The following AGO2 variants were observed in gnomAD, a reference collection of about 807,000 sequenced individuals.
The protein encoded by AGO2 is argonaute RISC catalytic component 2.
In AGO2, 5 loss-of-function variants were observed where a neutral mutation model predicts 102.3. The ratio of observed to expected loss-of-function variants is 0.05; its 90% CI spans 0.03 to 0.10. The LOEUF (loss-of-function observed/expected upper bound fraction) is 0.10. AGO2 is among the 10% of genes least tolerant of loss of function. The probability of loss-of-function intolerance (pLI) is 1.00; values close to 1 mark genes in which losing one functional copy is unlikely to be tolerated. For synonymous variants in AGO2, 449 were observed against 473.1 expected (o/e 0.95, Z 0.66); for missense variants, 541 against 1,183.7 (o/e 0.46, Z 7.97).
intron 1 of AGO2, among the ~76,000 whole-genome samples, chr8:140,595,903 T>TATTATATAATATATATTATGTATATAA (rs1564107032): frequency 4.9e-4 from 59 of 120,648 alleles, no homozygotes; most frequent in Non-Finnish European, 7.8e-4. Flanking sequence ...ATATATTATG[T>TATTATATAATATATATTATGTATATAA]ATTATATAAT....
chr8:140,568,141 G>A (rs796570104), intron 3 of AGO2, among the ~76,000 whole-genome samples: 13 of 150,846 alleles, frequency 8.6e-5, no homozygotes, highest in African/African-American at 2.4e-4. Flanking sequence ...AAAATTAGCC[G>A]GGCATGGTGG....
intron 2 of AGO2, among the ~76,000 whole-genome samples, chr8:140,579,834 G>A (rs2073527521): frequency 6.6e-6 from 1 of 152,238 alleles, no homozygotes; most frequent in South Asian, 2.1e-4. Flanking sequence ...CCCGTGAGTG[G>A]CTCATGCCCA....
In AGO2 at chr8:140,539,885, G is replaced by C. The variant is rs772223800; in HGVS notation, c.2035-431C>G. ...GGGCGGATCACAAGATCAAGAGATC[G>C]AGATCATCCTGGCCAACATGGTGAA... On this transcript the variant is annotated intron_variant, in intron 15 of 18. Transcript: ENST00000220592. The surrounding 1 kb of genome is among the most constrained non-coding windows in gnomAD (Gnocchi z 4.7). 6.6e-6 allele frequency among the ~76,000 whole-genome samples: 1 copy of C among 152,166 alleles called. No homozygotes were observed. The highest frequency in any genetic ancestry group is 1.5e-5 in the Non-Finnish European group (1 of 68,026).
At chr8:140,561,666 T>C (rs749029373) in intron 4 of AGO2, among the ~76,000 whole-genome samples, 62 of 152,338 alleles carry the variant, frequency 4.1e-4, no homozygotes, top group Admixed American at 2.5e-3. Context: ...CCATGGTCCC[T>C]TCTAAAAATC....
chr8:140,597,466 GCCCCCCCACCCCCC>G (rs1032061545), intron 1 of AGO2, among the ~76,000 whole-genome samples: 11 of 48,424 alleles, frequency 2.3e-4, no homozygotes, highest in South Asian at 7.5e-4. Flanking sequence ...GGGCTGGGTG[GCCCCCCCACCCCCC>G]CCCCCCCGCC....
rs1320060678 is a variant in AGO2 at position 140,540,308 on chromosome 8, C to T, written c.2035-854G>A. The stretch of plus-strand genomic sequence containing the variant: ...CCTCCTGATCAAGGCCGGGGAGTTC[C>T]TAAGCTCCTGGGGCAGCCACGGAGG... On this transcript the variant is annotated intron_variant, in intron 15 of 18. Coordinates refer to ENST00000220592, the MANE Select transcript of AGO2 (RefSeq NM_012154.5). This position sits in a 1 kb window ranked among gnomAD's most constrained non-coding sequence, Gnocchi z 5.0. 1.3e-5 allele frequency among the ~76,000 whole-genome samples: 2 copies of T among 152,180 alleles called. No homozygotes were observed. The highest frequency in any genetic ancestry group is 3.9e-4 in the East Asian group (2 of 5,176).
chr8:140,571,050 A>G (rs1244296657), intron 3 of AGO2, among the ~76,000 whole-genome samples: 1 of 152,248 alleles, frequency 6.6e-6, no homozygotes. Context: ...ACTACATTTC[A>G]GCTCCACAGC....
Position 140,589,975 on chromosome 8 carries a change from G to A in AGO2, c.23-4664C>T, listed in dbSNP as rs78490252. Among the ~76,000 whole-genome samples, 6,823 of 152,360 alleles carry A rather than the reference G, an allele frequency of 0.045. 226 individuals are homozygous for A. The highest frequency in any genetic ancestry group is 0.07 in the Non-Finnish European group (4,740 of 68,036). ...GTTGACGCTAAACACAGTCATGGCA[G>A]CTTTTTTGGTGAAATGGACAGAGAC... On this transcript the variant is annotated intron_variant, in intron 1 of 18. Transcript: ENST00000220592. This position sits in a 1 kb window ranked among gnomAD's most constrained non-coding sequence, Gnocchi z 4.2.
intron 3 of AGO2, among the ~76,000 whole-genome samples, chr8:140,571,346 G>A (rs547067134): frequency 6.6e-6 from 1 of 152,220 alleles, no homozygotes; most frequent in Non-Finnish European, 1.5e-5. Flanking sequence ...GCTGAAAGGA[G>A]CTTATTCATT....
rs1166444721 is a variant in AGO2 at position 140,528,971 on chromosome 8, A to C, written c.*3073T>G. Reference sequence around the variant, plus strand: ...ACATCAATGTTTTTAAAAAGTGAACATGTAAAAACACACCAGGAAGAGTCC... The same window carrying C: ...ACATCAATGTTTTTAAAAAGTGAACCTGTAAAAACACACCAGGAAGAGTCC... On this transcript the variant is annotated 3_prime_UTR_variant, in exon 19 of 19. Coordinates refer to ENST00000220592, the MANE Select transcript of AGO2 (RefSeq NM_012154.5). This position sits in a 1 kb window ranked among gnomAD's most constrained non-coding sequence, Gnocchi z 4.5. 4.6e-5 allele frequency: 7 copies of C among 152,230 alleles called. No individual in the cohort carries two copies. Among genetic ancestry groups the C allele is most frequent in the African/African-American group, 1.4e-4 (6 of 41,458 alleles). The allele number at this position is 152,230 out of a possible 1,614,324, so 9.4% of individuals were successfully genotyped here.
intron 1 of AGO2, among the ~76,000 whole-genome samples, chr8:140,611,142 C>T (rs1217757610): frequency 6.6e-6 from 1 of 152,156 alleles, no homozygotes; most frequent in African/African-American, 2.4e-5. Context: ...ACATTTGCTC[C>T]GGTGGCTAAG....
intron 1 of AGO2, among the ~76,000 whole-genome samples, chr8:140,602,075 T>C (rs1161689719): frequency 6.6e-6 from 1 of 152,230 alleles, no homozygotes; most frequent in Non-Finnish European, 1.5e-5. Flanking sequence ...ACCACTGCGT[T>C]TGCATGTATT....
rs1376177751 is a variant in AGO2 at position 140,567,626 on chromosome 8, A to G, written c.337-4992T>C. Reference sequence around the variant, plus strand: ...CCCAACTGCCATTTTCTGAACATGGATAATAGAAAATGTCAGCCCAGGACT... The same window carrying G: ...CCCAACTGCCATTTTCTGAACATGGGTAATAGAAAATGTCAGCCCAGGACT... On this transcript the variant is annotated intron_variant, in intron 3 of 18. Transcript: ENST00000220592. This position sits in a 1 kb window ranked among gnomAD's most constrained non-coding sequence, Gnocchi z 5.0. Among the ~76,000 whole-genome samples, 2 of 152,160 alleles carry G rather than the reference A, an allele frequency of 1.3e-5. No homozygotes were observed. The highest frequency in any genetic ancestry group is 2.4e-5 in the African/African-American group (1 of 41,436).
At chr8:140,573,985 G>A (rs2073425508) in intron 2 of AGO2, among the ~76,000 whole-genome samples, 1 of 152,226 alleles carries the variant, frequency 6.6e-6, no homozygotes, top group Non-Finnish European at 1.5e-5. Flanking sequence ...CACTTGCAGA[G>A]CCATGGTATG....
intron 13 of AGO2, among the ~76,000 whole-genome samples, chr8:140,545,352 C>G (rs2072881081): frequency 6.6e-6 from 1 of 152,198 alleles, no homozygotes; most frequent in South Asian, 2.1e-4. Context: ...CTGCGTCTGG[C>G]CCGCTGCAGG....
In AGO2 at chr8:140,541,335, G is replaced by A. The variant is rs1158582329; in HGVS notation, c.1863C>T (p.His621=). The A allele has an allele frequency of 1.9e-6, 3 of 1,609,428 alleles. No individual in the cohort carries two copies. Among genetic ancestry groups the A allele is most frequent in the Non-Finnish European group, 8.5e-7 (1 of 1,178,610 alleles). Residue 621 remains histidine, a synonymous_variant, in exon 15 of 19, where the codon CAC becomes CAT. Transcript: ENST00000220592. ...GCACGGTGGCGCAGTAGCGATTGGG[G>A]TGGGCGTCCATGCTGCCCACCACCT... is the stretch of plus-strand genomic sequence containing the variant. ...IAAVVGSMDA[H]PNRYCATVRV...
chr8:140,630,165 C>T (rs957325624), intron 1 of AGO2, among the ~76,000 whole-genome samples: 1 of 152,188 alleles, frequency 6.6e-6, no homozygotes, highest in African/African-American at 2.4e-5. Context: ...CAGGGGTGAA[C>T]CAAGTTTAAA....
chr8:140,547,204 GCCTTGCC>G (rs1564078944), intron 13 of AGO2, among the ~76,000 whole-genome samples: 8 of 152,348 alleles, frequency 5.3e-5, no homozygotes, highest in African/African-American at 1.9e-4. Flanking sequence ...GCCCTGCTCT[GCCTTGCC>G]CACTGGGATT....
chr8:140,635,943 G>A (rs1192564764), upstream of AGO2, among the ~76,000 whole-genome samples: 6 of 150,084 alleles, frequency 4.0e-5, no homozygotes, highest in Non-Finnish European at 8.9e-5. Context: ...GGCGGGCGCG[G>A]CCCCGGGGAC....
Sources: gnomAD v4.1 joint callset for allele counts (sites outside exome capture counted in the v4.1 genomes callset) on GRCh38, gnomAD v4.1.1 for gene constraint, Gnocchi (gnomAD v3.1) non-coding constraint, MANE v1.5 for transcripts, NCBI Gene and HGNC (gene_info 2026-07-23, HGNC 2026-07-21) for gene names.